FAM227B: variants seen among roughly 807,000 people sequenced by gnomAD.
FAM227B encodes family with sequence similarity 227 member B.
Under a neutral mutation model 73.8 loss-of-function variants are expected in FAM227B, and 88 were observed. The observed-to-expected ratio is 1.19, with a 90% CI of 1.00 to 1.42. The LOEUF (loss-of-function observed/expected upper bound fraction) is 1.42, where lower values mean the gene tolerates loss of function less well. Among genes scored for constraint, FAM227B ranks in the 40% most tolerant of loss-of-function variants. The pLI, the probability that FAM227B is intolerant of heterozygous loss-of-function variation, is 0.00. For missense variants in FAM227B, 632 were observed against 590.9 expected, an observed-to-expected ratio of 1.07 and a Z score of -0.72; for synonymous variants, 210 against 190.5, an observed-to-expected ratio of 1.10 and a Z score of -0.84.
chr15:49,499,495 T>C (rs933549160), intron 11 of FAM227B, among the ~76,000 whole-genome samples: 1 of 152,296 alleles, frequency 6.6e-6, no homozygotes, highest in South Asian at 2.1e-4. Flanking sequence ...ATCAATACAA[T>C]GTATTTAAAA....
intron 8 of FAM227B, among the ~76,000 whole-genome samples, chr15:49,574,126 G>A (rs1431754084): frequency 6.6e-6 from 1 of 152,016 alleles, no homozygotes; most frequent in African/African-American, 2.4e-5. Context: ...TTGCTGTTTA[G>A]AGGGGAATGA....
chr15:49,607,150 A>T (rs2077571560), intron 3 of FAM227B, among the ~76,000 whole-genome samples: 1 of 152,204 alleles, frequency 6.6e-6, no homozygotes, highest in Non-Finnish European at 1.5e-5. Context: ...TCCTAAACTC[A>T]TCATACATTT....
intron 8 of FAM227B, among the ~76,000 whole-genome samples, chr15:49,569,325 G>C (rs1200275635): frequency 1.3e-5 from 2 of 151,564 alleles, no homozygotes; most frequent in Non-Finnish European, 3.0e-5. Context: ...AGAACTTCTA[G>C]TTTTATTTTT....
chr15:49,510,583 G>A (rs1339031916), intron 10 of FAM227B, among the ~76,000 whole-genome samples: 3 of 152,128 alleles, frequency 2.0e-5, no homozygotes, highest in Middle Eastern at 6.8e-3. Flanking sequence ...GCTCGAATCT[G>A]AACAAATTTT....
At chr15:49,470,163 A>AC (rs1268705728) in intron 11 of FAM227B, among the ~76,000 whole-genome samples, 1 of 152,190 alleles carries the variant, frequency 6.6e-6, no homozygotes, top group Non-Finnish European at 1.5e-5. Flanking sequence ...CTAAAATGTT[A>AC]CTGTAGATTG....
In FAM227B at chr15:49,328,596, T is replaced by C. The variant is rs141143208; in HGVS notation, c.1499A>G (p.Asn500Ser). 3.8e-5 allele frequency: 60 copies of C among 1,596,650 alleles called. No individual in the cohort carries two copies. The highest frequency in any genetic ancestry group is 1.2e-4 in the Admixed American group (7 of 57,984). Residue 500 changes from asparagine to serine, a missense_variant, in exon 16 of 16, where the codon AAC becomes AGC. Transcript: ENST00000299338. ...GTATTCTTCTTCCTCAAAGTTGTAG[T>C]TGTCTGTTGATGATGGTGATGATGA... Reference protein sequence around the residue: ...SSSSSPSSTDNYNFEEEEY With the variant: ...SSSSSPSSTDSYNFEEEEY
At chr15:49,550,140 C>T (rs1177056087) in intron 9 of FAM227B, among the ~76,000 whole-genome samples, 35 of 137,596 alleles carry the variant, frequency 2.5e-4, no homozygotes, top group African/African-American at 5.5e-4. Flanking sequence ...CCGGACGGGG[C>T]GGCTGGCCGG....
chr15:49,529,250 A>C (rs554622057), intron 10 of FAM227B, among the ~76,000 whole-genome samples: 5 of 151,740 alleles, frequency 3.3e-5, no homozygotes, highest in Non-Finnish European at 7.4e-5. Context: ...ATATATTCTC[A>C]TAAGTGGGAA....
In FAM227B at chr15:49,572,233, T is replaced by G. The variant is rs2075155489; in HGVS notation, c.645+2778A>C. 2.6e-5 allele frequency among the ~76,000 whole-genome samples: 4 copies of G among 152,012 alleles called. No homozygotes were observed. The South Asian group carries it at 8.3e-4, about 31-fold the overall frequency. ...AACTTAATTCATACATTTCTAACAG[T>G]TTTTTGGTGGAATCTTTAGGATTTT... On this transcript the variant is annotated intron_variant, in intron 8 of 15. Transcript: ENST00000299338.
rs1033867997 is a variant in FAM227B, at chr15:49,568,463, G to C, written c.646-117C>G. ...CAGATCAATTGGTACAGGAGAATCA[G>C]CATGGGTTTTCGCATAATGCAGACC... On this transcript the variant is annotated intron_variant, in intron 8 of 15. Coordinates refer to ENST00000299338, the MANE Select transcript of FAM227B (RefSeq NM_152647.3). 3.7e-6 allele frequency: 3 copies of C among 819,958 alleles called. No homozygotes were observed. In the African/African-American group the frequency reaches 5.3e-5, roughly 14 times the overall value. 50.8% of individuals were successfully genotyped at this position (819,958 alleles called of 1,614,324 possible). A position where few individuals can be genotyped will look rare whatever the true frequency, so the allele number is the denominator to read the frequency against.
intron 11 of FAM227B, among the ~76,000 whole-genome samples, chr15:49,457,113 C>T (rs545487793): frequency 2.6e-5 from 4 of 152,074 alleles, no homozygotes; most frequent in South Asian, 4.1e-4. Context: ...TACAGCAAGA[C>T]GTTTGGGTTT....
At chr15:49,436,852 C>T (rs1055744765) in intron 11 of FAM227B, among the ~76,000 whole-genome samples, 1 of 151,542 alleles carries the variant, frequency 6.6e-6, no homozygotes, top group Non-Finnish European at 1.5e-5. Context: ...GGATAATTTG[C>T]ATCTGAAGAA....
intron 11 of FAM227B, among the ~76,000 whole-genome samples, chr15:49,418,038 A>G (rs1409451437): frequency 6.6e-6 from 1 of 152,170 alleles, no homozygotes; most frequent in African/African-American, 2.4e-5. Context: ...AAAGACATAC[A>G]TGTGTCTAAA....
chr15:49,464,326 A>G (rs763479969), intron 11 of FAM227B, among the ~76,000 whole-genome samples: 2 of 152,244 alleles, frequency 1.3e-5, no homozygotes, highest in Non-Finnish European at 2.9e-5. Flanking sequence ...GAGAAACAGA[A>G]AAGGAATTAG....
chr15:49,424,254 A>G (rs749667960), intron 11 of FAM227B: 11 of 1,556,226 alleles, frequency 7.1e-6, no homozygotes, highest in Non-Finnish European at 9.7e-6. Context: ...CTCAAGATTC[A>G]TTTTCATTAT....
At chr15:49,559,293 CA>C (rs1373314231) in intron 9 of FAM227B, among the ~76,000 whole-genome samples, 1 of 152,106 alleles carries the variant, frequency 6.6e-6, no homozygotes. Flanking sequence ...CTGTGCTTGC[CA>C]TTTGGGCATT....
At chr15:49,394,506 TTGTC>T (rs2047434101) in intron 11 of FAM227B, among the ~76,000 whole-genome samples, 1 of 152,188 alleles carries the variant, frequency 6.6e-6, no homozygotes, top group South Asian at 2.1e-4. Flanking sequence ...TGCAGTAGGA[TTGTC>T]TGACAGAATT....
At chr15:49,406,803 C>T (rs1053756542) in intron 11 of FAM227B, among the ~76,000 whole-genome samples, 1 of 152,084 alleles carries the variant, frequency 6.6e-6, no homozygotes, top group Non-Finnish European at 1.5e-5. Context: ...TGCTGTGGGC[C>T]TGAGGGAAGA....
chr15:49,371,150 C>T (rs2045776841), intron 12 of FAM227B, 152 bp downstream of exon 12: 2 of 413,528 alleles, frequency 4.8e-6, no homozygotes, highest in Non-Finnish European at 8.7e-6. Flanking sequence ...AAGATTAAAC[C>T]TCAAACAAAT....
Sources: allele counts gnomAD v4.1 joint callset (sites outside exome capture counted in the v4.1 genomes callset), GRCh38; gene constraint gnomAD v4.1.1; transcripts MANE v1.5; gene names NCBI Gene and HGNC (gene_info 2026-07-23, HGNC 2026-07-21).